The following FBXW4 variants were observed in gnomAD, a reference collection of about 807,000 sequenced individuals.
The protein encoded by FBXW4 is F-box/WD repeat-containing protein 4.
A neutral mutation model predicts 61.8 loss-of-function variants in FBXW4; 40 were observed. The observed-to-expected ratio is 0.65, with a 90% CI of 0.50 to 0.84. FBXW4 has a LOEUF of 0.84. Ranked by LOEUF, FBXW4 falls within the 40% of genes least tolerant of loss-of-function variation. FBXW4 has a pLI of 0.00. For synonymous variants in FBXW4, 311 were observed against 313.8 expected, an observed-to-expected ratio of 0.99 and a Z score of 0.10; for missense variants, 672 against 753.8, an observed-to-expected ratio of 0.89 and a Z score of 1.27.
chr10:101,678,220 C>G (rs1461318813), intron 1 of FBXW4, among the ~76,000 whole-genome samples: 2 of 152,184 alleles, frequency 1.3e-5, no homozygotes, highest in Admixed American at 1.3e-4. Context: ...GAGAAGAGCT[C>G]TAAGCCCCTT....
Position 101,692,721 on chromosome 10 carries a change from G to A in FBXW4, c.725+1660C>T, listed in dbSNP as rs577726167. Among the ~76,000 whole-genome samples the A allele has an allele frequency of 8.3e-5, 12 of 145,076 alleles. No individual in the cohort carries two copies. In the South Asian group the frequency reaches 2.6e-3, roughly 32 times the overall value. On this transcript the variant is annotated intron_variant, in intron 1 of 8. Coordinates refer to ENST00000331272, the MANE Select transcript of FBXW4 (RefSeq NM_022039.4). ...AGTGCACACCACTGCACTCCAGCCC[G>A]GGCAACAAGAGTGAAACTCCGTCTC...
At chr10:101,629,257 T>C (rs763823391) in intron 5 of FBXW4, among the ~76,000 whole-genome samples, 4 of 152,044 alleles carry the variant, frequency 2.6e-5, no homozygotes, top group Non-Finnish European at 4.4e-5. Flanking sequence ...TCCTATGTAA[T>C]CCTCATAACA....
At chr10:101,690,196 T>C (rs904744744) in intron 1 of FBXW4, among the ~76,000 whole-genome samples, 1 of 152,232 alleles carries the variant, frequency 6.6e-6, no homozygotes, top group Non-Finnish European at 1.5e-5. Context: ...ATAGCGCTCC[T>C]GTTCTTCCCC....
chr10:101,679,930 CTG>C (rs1042134362), intron 1 of FBXW4, among the ~76,000 whole-genome samples: 37 of 152,264 alleles, frequency 2.4e-4, no homozygotes, highest in African/African-American at 8.2e-4. Flanking sequence ...TTACACCACT[CTG>C]TACGCCTGTG....
intron 5 of FBXW4, among the ~76,000 whole-genome samples, chr10:101,664,956 G>A (rs1179657914): frequency 6.6e-6 from 1 of 152,108 alleles, no homozygotes; most frequent in Non-Finnish European, 1.5e-5. Context: ...TTAATATGAC[G>A]AAACTGAGGC....
rs1299721211 is a variant in FBXW4 at position 101,612,422 on chromosome 10, C to A, written c.1357G>T (p.Asp453Tyr). The change falls in exon 7 of 9, where the codon GAT (aspartate) becomes TAT (tyrosine). Residue 453 changes from aspartate to tyrosine, a missense_variant. Physicochemically the swap from Asp to Tyr is radical, Grantham distance 160. This residue lies in a region of FBXW4 where 312 missense variants were observed against 370.1 expected (regional missense o/e 0.84). Transcript: ENST00000331272. ...GTGAAAGGGGACTCATACATGACAT[C>A]CAGCACCCCAGCCCCTGGGGGAAAG... ...SDFPPGAGVLDVMYESPFTLL... is the reference protein window; with the variant it reads ...SDFPPGAGVLYVMYESPFTLL... 3.1e-6 allele frequency: 5 copies of A among 1,597,956 alleles called. No individual in the cohort carries two copies. The highest frequency in any genetic ancestry group is 4.3e-6 in the Non-Finnish European group (5 of 1,171,888).
Position 101,694,340 on chromosome 10 carries a change from C to A in FBXW4, c.725+41G>T, listed in dbSNP as rs766902317. 9 of 1,342,608 alleles carry A rather than the reference C, an allele frequency of 6.7e-6. No homozygotes were observed. Among genetic ancestry groups the A allele is most frequent in the Non-Finnish European group, 7.6e-6 (8 of 1,053,994 alleles). 83.2% of individuals were successfully genotyped at this position (1,342,608 alleles called of 1,614,324 possible). ...CCCCGCCCTTTCCCGGGACGCGGGG[C>A]CGGCTCGGGGCGGGGAGCGGGCGGG... is the stretch of plus-strand genomic sequence containing the variant. On this transcript the variant is annotated intron_variant, in intron 1 of 8. Transcript: ENST00000331272. This position sits in a 1 kb window ranked among gnomAD's most constrained non-coding sequence, Gnocchi z 6.0.
intron 6 of FBXW4, chr10:101,622,806 A>G (rs1347495999): frequency 6.6e-6 from 1 of 152,056 alleles, no homozygotes; most frequent in Non-Finnish European, 1.5e-5. Flanking sequence ...ACAAAGGACT[A>G]ATATCTAGAA....
rs2064648917 is a variant in FBXW4 at position 101,694,375 on chromosome 10, G to T, written c.725+6C>A. On this transcript the variant is annotated splice_donor_region_variant and intron_variant, in intron 1 of 8. Transcript: ENST00000331272. The surrounding 1 kb of genome is among the most constrained non-coding windows in gnomAD (Gnocchi z 6.0). ...GCGGGGAGCGGGCGGGCGAGCGGAC[G>T]CTTACAGGTCGGTGCCGAGCCGCGT... 1 of 1,384,574 alleles carries T rather than the reference G, an allele frequency of 7.2e-7. No homozygotes were observed. Among genetic ancestry groups the T allele is most frequent in the Non-Finnish European group, 9.3e-7 (1 of 1,078,558 alleles). The allele number at this position is 1,384,574 out of a possible 1,614,324, so 85.8% of individuals were successfully genotyped here.
At chr10:101,666,660 T>C (rs2064303025) in intron 5 of FBXW4, among the ~76,000 whole-genome samples, 1 of 152,154 alleles carries the variant, frequency 6.6e-6, no homozygotes, top group African/African-American at 2.4e-5. Context: ...ATAGAACAGG[T>C]ACAGGAGAGT....
At chr10:101,670,246 C>CAT (rs2064346931) in intron 4 of FBXW4, among the ~76,000 whole-genome samples, 6 of 152,216 alleles carry the variant, frequency 3.9e-5, no homozygotes, top group Admixed American at 3.3e-4. Context: ...AGAAAGCATG[C>CAT]ATAGGCTTTG....
Position 101,695,038 on chromosome 10 carries a change from G to T in FBXW4, c.68C>A (p.Ala23Glu). 9.9e-7 allele frequency: 1 copy of T among 1,011,376 alleles called. No individual in the cohort carries two copies. Among genetic ancestry groups the T allele is most frequent in the Non-Finnish European group, 1.2e-6 (1 of 847,606 alleles). The allele number at this position is 1,011,376 out of a possible 1,614,324, so 62.7% of individuals were successfully genotyped here. A position where few individuals can be genotyped will look rare whatever the true frequency, so the allele number is the denominator to read the frequency against. ...CACCCTCCCTTCCTGCAGCTTCCTCGCCTCTCCGCCCTCGCCCTCGCCGGG... is the reference window on the plus strand; with the variant it reads ...CACCCTCCCTTCCTGCAGCTTCCTCTCCTCTCCGCCCTCGCCCTCGCCGGG... ...GGPGEGEGGE[A>E]RKLQEGRVAR... is the part of the protein sequence containing the mutation. The change falls in exon 1 of 9, where the codon GCG (alanine) becomes GAG (glutamate). Residue 23 changes from alanine (A) to glutamate (E), a missense_variant. Transcript: ENST00000331272. The surrounding 1 kb of genome is among the most constrained non-coding windows in gnomAD (Gnocchi z 4.2).
At chr10:101,612,499 G>A (rs1173991954) in intron 6 of FBXW4, 22 bp from the exon 7 acceptor site, 1 of 1,534,188 alleles carries the variant, frequency 6.5e-7, no homozygotes, top group Non-Finnish European at 8.8e-7. Flanking sequence ...AGGACGGAGT[G>A]AGAGGCTGCT....
Position 101,694,709 on chromosome 10 carries a change from C to A in FBXW4, c.397G>T (p.Ala133Ser). The change falls in exon 1 of 9, where the codon GCC becomes TCC. Residue 133 changes from alanine to serine, a missense_variant. Coordinates refer to ENST00000331272, the MANE Select transcript of FBXW4 (RefSeq NM_022039.4). This position sits in a 1 kb window ranked among gnomAD's most constrained non-coding sequence, Gnocchi z 6.0. ...WRVRARRREG[A>S]RPGRAQGRGG... ...CGTCCCTGTGCTCTTCCCGGCCTGG[C>A]GCCCTCCCGCCGCCTAGCCCTGACC... The A allele has an allele frequency of 7.3e-7, 1 of 1,374,062 alleles. No homozygotes were observed. Among genetic ancestry groups the A allele is most frequent in the East Asian group, 3.1e-5 (1 of 32,474 alleles). 85.1% of individuals were successfully genotyped at this position (1,374,062 alleles called of 1,614,324 possible).
intron 5 of FBXW4, among the ~76,000 whole-genome samples, chr10:101,663,489 A>AT (rs1367852790): frequency 6.6e-6 from 1 of 152,182 alleles, no homozygotes; most frequent in Non-Finnish European, 1.5e-5. Context: ...CATATTACAC[A>AT]TTTTTTAAAA....
intron 5 of FBXW4, among the ~76,000 whole-genome samples, chr10:101,629,578 C>T (rs72844618): frequency 0.044 from 6,685 of 152,066 alleles, 227 homozygotes; most frequent in East Asian, 0.14. Context: ...GCCACCGCAC[C>T]CAGCCCCACT....
chr10:101,668,950 T>A (rs1220735704), intron 4 of FBXW4, among the ~76,000 whole-genome samples: 1 of 152,074 alleles, frequency 6.6e-6, no homozygotes, highest in Non-Finnish European at 1.5e-5. Flanking sequence ...AGCAGTGCTA[T>A]AAGGGGAACA....
rs368965299 is a variant in FBXW4, at chr10:101,681,604, C to A, written c.726-5168G>T. 1.3e-4 allele frequency among the ~76,000 whole-genome samples: 20 copies of A among 150,030 alleles called. No homozygotes were observed. In the East Asian group the frequency reaches 3.7e-3, roughly 28 times the overall value. The stretch of plus-strand genomic sequence containing the variant: ...TGGTGGCGGGCGCCTGTAGTCCCAG[C>A]TACTCGGAAGGCTGAGGTAGGAGAA... On this transcript the variant is annotated intron_variant, in intron 1 of 8. Coordinates refer to ENST00000331272, the MANE Select transcript of FBXW4 (RefSeq NM_022039.4).
chr10:101,611,819 C>T lies in FBXW4; in HGVS notation c.1443-50G>A, dbSNP rs2063788982. On this transcript the variant is annotated intron_variant, in intron 7 of 8. Transcript: ENST00000331272. The surrounding 1 kb of genome is among the most constrained non-coding windows in gnomAD (Gnocchi z 4.9). ...GGGAGGTTTAGGGTACCCTCCACCT[C>T]TACCCCAGCTTTCTTGGGCCTAGAG... The T allele has an allele frequency of 1.9e-6, 3 of 1,581,454 alleles. No individual in the cohort carries two copies. Among genetic ancestry groups the T allele is most frequent in the Non-Finnish European group, 1.7e-6 (2 of 1,161,008 alleles).
Sources: gnomAD v4.1 joint callset for allele counts (sites outside exome capture counted in the v4.1 genomes callset) on GRCh38, gnomAD v4.1.1 for gene constraint, gnomAD v4.1.1 regional missense constraint, Gnocchi (gnomAD v3.1) non-coding constraint, MANE v1.5 for transcripts, NCBI Gene and HGNC (gene_info 2026-07-23, HGNC 2026-07-21) for gene names.